Variants in SNX25 observed in about 807,000 individuals in gnomAD.
SNX25 encodes sorting nexin 25.
In SNX25, 62 loss-of-function variants were observed where a neutral mutation model predicts 113.7. That is an observed-to-expected ratio of 0.55 (90% confidence interval 0.44 to 0.67). SNX25 has a LOEUF of 0.67. Among genes scored for constraint, SNX25 ranks in the 30% least tolerant of loss-of-function variants. The pLI is 0.00. For missense variants in SNX25, 1,014 were observed against 1,161.0 expected (o/e 0.87, Z 1.84); for synonymous variants, 421 against 436.2 (o/e 0.97, Z 0.43).
intron 15 of SNX25, among the ~76,000 whole-genome samples, chr4:185,355,539 A>T (rs913682375): frequency 2.0e-4 from 30 of 152,378 alleles, no homozygotes; most frequent in African/African-American, 6.7e-4. Context: ...AGATTTACAC[A>T]TAAGGATATT....
intron 9 of SNX25, among the ~76,000 whole-genome samples, chr4:185,327,255 A>T (rs376200302): frequency 6.6e-6 from 1 of 152,216 alleles, no homozygotes; most frequent in South Asian, 2.1e-4. Context: ...ATAAGGTCTG[A>T]CTTACTCCAG....
In SNX25 at chr4:185,232,625, T is replaced by C. The variant is rs922872807; in HGVS notation, c.430-14669T>C. 5.3e-5 allele frequency among the ~76,000 whole-genome samples: 8 copies of C among 152,138 alleles called. No homozygotes were observed. Among genetic ancestry groups the C allele is most frequent in the Non-Finnish European group, 1.2e-4 (8 of 68,018 alleles). ...AGGACAGTAATGGAGTACAAAACAG[T>C]GATTGATTTCATGACTAAAGATCTC... On this transcript the variant is annotated intron_variant, in intron 1 of 18. Coordinates refer to ENST00000652585, the MANE Select transcript of SNX25 (RefSeq NM_001378034.2). The surrounding 1 kb of genome is among the most constrained non-coding windows in gnomAD (Gnocchi z 4.4).
chr4:185,310,544 T>C, intron 6 of SNX25, 91 bp from the exon 7 acceptor site: 1 of 1,125,668 alleles, frequency 8.9e-7, no homozygotes, highest in Non-Finnish European at 1.2e-6. Context: ...TGGTTCAGAA[T>C]GCCCACAGCA....
intron 6 of SNX25, 146 bp downstream of exon 6, chr4:185,288,228 A>T: frequency 1.7e-6 from 1 of 572,866 alleles, no homozygotes; most frequent in South Asian, 2.7e-5. Flanking sequence ...ATACTATTAC[A>T]GTATTAGAGA....
intron 1 of SNX25, among the ~76,000 whole-genome samples, chr4:185,229,151 G>A (rs896479297): frequency 6.6e-5 from 10 of 152,230 alleles, no homozygotes; most frequent in African/African-American, 2.4e-4. Flanking sequence ...CTCCTGGAGT[G>A]AAGCAGTGGA....
At chr4:185,261,644 G>A (rs1747351072) in intron 3 of SNX25, among the ~76,000 whole-genome samples, 1 of 152,116 alleles carries the variant, frequency 6.6e-6, no homozygotes, top group Non-Finnish European at 1.5e-5. Context: ...TACTGCTTTT[G>A]TGGATAATAT....
rs1265967957 is a variant in SNX25, at chr4:185,334,819, C to G, written c.1914+2060C>G. On this transcript the variant is annotated intron_variant, in intron 10 of 18. Transcript: ENST00000652585. This position sits in a 1 kb window ranked among gnomAD's most constrained non-coding sequence, Gnocchi z 4.2. Reference sequence around the variant, plus strand: ...TTGGAGCGATTCACTGGTACTGTGGCTTAACTTGAACTCTACTCTCTGATC... The same window carrying G: ...TTGGAGCGATTCACTGGTACTGTGGGTTAACTTGAACTCTACTCTCTGATC... Among the ~76,000 whole-genome samples the G allele has an allele frequency of 6.6e-6, 1 of 152,138 alleles. No individual in the cohort carries two copies. Among genetic ancestry groups the G allele is most frequent in the Non-Finnish European group, 1.5e-5 (1 of 68,032 alleles).
intron 5 of SNX25, among the ~76,000 whole-genome samples, chr4:185,287,007 A>G (rs1456332323): frequency 6.6e-6 from 1 of 152,238 alleles, no homozygotes; most frequent in Non-Finnish European, 1.5e-5. Flanking sequence ...GTTCAAAGTA[A>G]GAATTAATGT....
At chr4:185,239,448 A>G (rs1212186241) in intron 1 of SNX25, among the ~76,000 whole-genome samples, 2 of 150,868 alleles carry the variant, frequency 1.3e-5, no homozygotes, top group Admixed American at 1.3e-4. Context: ...GCACCGCTGC[A>G]CTCCAGCCTG....
downstream of SNX25, chr4:185,374,028 CT>C: frequency 3.4e-6 from 3 of 884,970 alleles, no homozygotes; most frequent in South Asian, 5.1e-5. Context: ...TTTAAAGGAA[CT>C]ATAAGAGATA....
At chr4:185,243,042 A>T (rs1261683400) in intron 1 of SNX25, among the ~76,000 whole-genome samples, 1 of 152,172 alleles carries the variant, frequency 6.6e-6, no homozygotes, top group Non-Finnish European at 1.5e-5. Flanking sequence ...AGGGCCAGTG[A>T]TTCCTAGCGG....
downstream of SNX25, chr4:185,374,097 T>G: frequency 1.3e-6 from 2 of 1,524,230 alleles, no homozygotes; most frequent in South Asian, 1.2e-5. Flanking sequence ...AATATTAATC[T>G]AAATATAACA....
downstream of SNX25, chr4:185,367,303 C>CTTT: frequency 2.8e-5 from 31 of 1,105,132 alleles, no homozygotes; most frequent in African/African-American, 3.3e-5. Context: ...GGTCTTTCTT[C>CTTT]TTTTTTTTTT....
intron 15 of SNX25, among the ~76,000 whole-genome samples, chr4:185,356,797 G>A (rs2095341336): frequency 6.6e-6 from 1 of 152,168 alleles, no homozygotes; most frequent in African/African-American, 2.4e-5. Flanking sequence ...TATGTCAGTA[G>A]CCAAACACTT....
At chr4:185,253,046 C>T (rs1289526945) in intron 2 of SNX25, among the ~76,000 whole-genome samples, 4 of 151,310 alleles carry the variant, frequency 2.6e-5, no homozygotes, top group Non-Finnish European at 5.9e-5. Flanking sequence ...GCTACATTTA[C>T]CAGAAAACTG....
chr4:185,294,495 A>G (rs1270006537), intron 6 of SNX25, among the ~76,000 whole-genome samples: 1 of 152,218 alleles, frequency 6.6e-6, no homozygotes, highest in East Asian at 1.9e-4. Flanking sequence ...GGTCTTGGAC[A>G]TCCTGGATTT....
intron 9 of SNX25, among the ~76,000 whole-genome samples, chr4:185,325,102 G>A (rs914143744): frequency 6.6e-6 from 1 of 152,108 alleles, no homozygotes; most frequent in African/African-American, 2.4e-5. Context: ...TAGCTTTTTA[G>A]CCCTTTCTTT....
At chr4:185,212,893 C>A (rs887945486) in intron 1 of SNX25, among the ~76,000 whole-genome samples, 2 of 152,188 alleles carry the variant, frequency 1.3e-5, no homozygotes, top group Non-Finnish European at 2.9e-5. Context: ...ATTTTGAGTT[C>A]TCCTAGTGTG....
intron 5 of SNX25, among the ~76,000 whole-genome samples, chr4:185,271,545 G>T (rs115800786): frequency 6.6e-6 from 1 of 152,146 alleles, no homozygotes; most frequent in African/African-American, 2.4e-5. Context: ...CACCGTGCCC[G>T]GCCTGGAACT....
Sources: gnomAD v4.1 joint callset for allele counts (sites outside exome capture counted in the v4.1 genomes callset) on GRCh38, gnomAD v4.1.1 for gene constraint, Gnocchi (gnomAD v3.1) non-coding constraint, MANE v1.5 for transcripts, NCBI Gene and HGNC (gene_info 2026-07-23, HGNC 2026-07-21) for gene names.